Variants in DOCK7 observed in about 807,000 individuals in gnomAD.
DOCK7 encodes the protein dedicator of cytokinesis protein 7.
Under a neutral mutation model 271.0 loss-of-function variants are expected in DOCK7, and 138 were observed. That is an observed-to-expected ratio of 0.51 (90% CI 0.44 to 0.59). The LOEUF is 0.59. Among genes scored for constraint, DOCK7 ranks in the 20% least tolerant of loss-of-function variants. The pLI, the probability that DOCK7 is intolerant of heterozygous loss-of-function variation, is 0.00. For synonymous variants in DOCK7, 823 were observed against 876.1 expected, an observed-to-expected ratio of 0.94 and a Z score of 1.07; for missense variants, 2,066 against 2,592.4, an observed-to-expected ratio of 0.80 and a Z score of 4.41.
intron 45 of DOCK7, 48 bp downstream of exon 45, chr1:62,476,019 G>A (rs1309362250): frequency 6.3e-7 from 1 of 1,599,638 alleles, no homozygotes; most frequent in East Asian, 2.2e-5. Context: ...ATTGCACAGA[G>A]GATTTCAAAG....
chr1:62,660,755 T>C (rs953083914), intron 2 of DOCK7, among the ~76,000 whole-genome samples: 3 of 152,240 alleles, frequency 2.0e-5, no homozygotes, highest in Middle Eastern at 3.4e-3. Flanking sequence ...TCAAAATTAA[T>C]GAATAAACAA....
intron 37 of DOCK7, among the ~76,000 whole-genome samples, chr1:62,503,445 T>C (rs1231275028): frequency 6.6e-6 from 1 of 151,812 alleles, no homozygotes; most frequent in Admixed American, 6.6e-5. Context: ...TAAACAATTT[T>C]TTTTTTTTTT....
At chr1:62,486,961 AG>A (rs1235635898) in intron 43 of DOCK7, 1 of 152,668 alleles carries the variant, frequency 6.6e-6, no homozygotes, top group Non-Finnish European at 1.5e-5. Context: ...ATAAAATACT[AG>A]TATGTTTTGT....
chr1:62,622,498 G>T (rs925037034), intron 12 of DOCK7, among the ~76,000 whole-genome samples: 2 of 151,890 alleles, frequency 1.3e-5, no homozygotes, highest in Non-Finnish European at 2.9e-5. Flanking sequence ...TTGTCACCCA[G>T]GCTGGAATAC....
intron 1 of DOCK7, among the ~76,000 whole-genome samples, chr1:62,664,364 T>G (rs764612094): frequency 9.9e-5 from 15 of 152,104 alleles, no homozygotes; most frequent in African/African-American, 1.4e-4. Flanking sequence ...TCTCATGAGA[T>G]CTGATGGTTT....
intron 11 of DOCK7, chr1:62,628,412 T>C (rs558428330): frequency 5.3e-5 from 8 of 152,208 alleles, no homozygotes; most frequent in Non-Finnish European, 8.8e-5. Flanking sequence ...GAATGGTCAA[T>C]TGACTTTCAA....
At chr1:62,513,183 C>T (rs1557649981) in intron 33 of DOCK7, among the ~76,000 whole-genome samples, 1 of 133,500 alleles carries the variant, frequency 7.5e-6, no homozygotes, top group Non-Finnish European at 1.5e-5. Flanking sequence ...CACATAAGGA[C>T]TTTCTAGAGA....
intron 19 of DOCK7, among the ~76,000 whole-genome samples, chr1:62,559,687 G>A (rs1414786059): frequency 6.6e-6 from 1 of 152,052 alleles, no homozygotes; most frequent in Non-Finnish European, 1.5e-5. Context: ...ACAGCATAGA[G>A]GTGCTGTATC....
At position 62,462,070 on chromosome 1, in the gene DOCK7, C is replaced by CA. The variant is rs71662374; in HGVS notation, c.6213-4366dup. On this transcript the variant is annotated intron_variant, in intron 48 of 49. Coordinates refer to ENST00000635253, the MANE Select transcript of DOCK7 (RefSeq NM_001367561.1). ...TGGGCAACAAGAACAAAACTCATCT[C>CA]AAAAAAAAAAAAAATTAATAAAATC... Among the ~76,000 whole-genome samples the CA allele has an allele frequency of 8.0e-3, 1,067 of 133,824 alleles. 5 individuals are homozygous for CA. The highest frequency in any genetic ancestry group is 0.01 in the Non-Finnish European group (624 of 60,944). The allele number at this position is 133,824 out of a possible 152,430, so 87.8% of individuals were successfully genotyped here.
At chr1:62,553,287 C>T (rs1421668860) in intron 21 of DOCK7, among the ~76,000 whole-genome samples, 2 of 133,042 alleles carry the variant, frequency 1.5e-5, no homozygotes, top group Non-Finnish European at 3.1e-5. Context: ...CCTGAAGAGG[C>T]AGGGTCTTCT....
chr1:62,568,467 A>AT (rs35786798), intron 18 of DOCK7, among the ~76,000 whole-genome samples: 3 of 140,508 alleles, frequency 2.1e-5, no homozygotes, highest in Non-Finnish European at 3.1e-5. Context: ...TGCCAGGCTA[A>AT]TTTTTTTTTT....
chr1:62,564,383 CA>C (rs1342329774), intron 18 of DOCK7, among the ~76,000 whole-genome samples: 1 of 152,092 alleles, frequency 6.6e-6, no homozygotes, highest in Non-Finnish European at 1.5e-5. Context: ...ACAGTGCAAT[CA>C]AATTAGAACT....
At chr1:62,613,190 C>G (rs1349162641) in intron 14 of DOCK7, among the ~76,000 whole-genome samples, 1 of 152,156 alleles carries the variant, frequency 6.6e-6, no homozygotes, top group Admixed American at 6.5e-5. Flanking sequence ...AACAATTACA[C>G]TAGTACTTTT....
chr1:62,501,820 TAAGTTAAA>T (rs2149314954), intron 37 of DOCK7, among the ~76,000 whole-genome samples: 3 of 152,244 alleles, frequency 2.0e-5, no homozygotes, highest in Non-Finnish European at 4.4e-5. Context: ...ATAAAAATTT[TAAGTTAAA>T]AATCTGAAAA....
intron 1 of DOCK7, among the ~76,000 whole-genome samples, chr1:62,675,315 A>T (rs1235852096): frequency 6.6e-6 from 1 of 152,116 alleles, no homozygotes; most frequent in Non-Finnish European, 1.5e-5. Flanking sequence ...AGCTGGGAAG[A>T]TAGCTTGAGC....
In DOCK7 at chr1:62,472,099, T is replaced by TTTTTG. The variant is rs575088243; in HGVS notation, c.6212+1878_6212+1882dup. On this transcript the variant is annotated intron_variant, in intron 48 of 49. Transcript: ENST00000635253. ...TATTTTTGTTGCTGTTATTTCGTTT[T>TTTTTG]TTTTGTTTTGTTTTGTTTTTTTAGA... Among the ~76,000 whole-genome samples, 341 of 152,216 alleles carry TTTTTG rather than the reference T, an allele frequency of 2.2e-3. 2 individuals are homozygous for TTTTTG. The highest frequency in any genetic ancestry group is 7.8e-3 in the African/African-American group (325 of 41,542).
intron 14 of DOCK7, chr1:62,604,812 G>T (rs1424627441): frequency 6.2e-7 from 1 of 1,612,640 alleles, no homozygotes; most frequent in South Asian, 1.1e-5. Flanking sequence ...AGAAAGCTTT[G>T]AATGAACTGA....
intron 14 of DOCK7, among the ~76,000 whole-genome samples, chr1:62,607,033 C>T (rs1261448925): frequency 6.6e-6 from 1 of 152,018 alleles, no homozygotes; most frequent in African/African-American, 2.4e-5. Flanking sequence ...TGGTGAAACC[C>T]CGTCTCTACC....
intron 48 of DOCK7, among the ~76,000 whole-genome samples, chr1:62,472,181 G>A (rs369883484): frequency 6.6e-6 from 1 of 152,008 alleles, no homozygotes; most frequent in South Asian, 2.1e-4. Flanking sequence ...TCGGCTCACT[G>A]TAACCTCCAC....
Sources: gnomAD v4.1 joint callset for allele counts (sites outside exome capture counted in the v4.1 genomes callset) on GRCh38, gnomAD v4.1.1 for gene constraint, MANE v1.5 for transcripts, NCBI Gene and HGNC (gene_info 2026-07-23, HGNC 2026-07-21) for gene names.